COL28A1: variants seen among roughly 807,000 people sequenced by gnomAD.
COL28A1 encodes the protein collagen type XXVIII alpha 1 chain.
Under a neutral mutation model 150.2 loss-of-function variants are expected in COL28A1, and 161 were observed. The ratio of observed to expected loss-of-function variants is 1.07; its 90% confidence interval spans 0.94 to 1.22. The LOEUF (loss-of-function observed/expected upper bound fraction) is 1.22, where lower values mean the gene tolerates loss of function less well. Among genes scored for constraint, COL28A1 ranks in the 50% most tolerant of loss-of-function variants. COL28A1 has a pLI of 0.00. For synonymous variants in COL28A1, 552 were observed against 469.7 expected (o/e 1.18, Z -2.26); for missense variants, 1,617 against 1,388.3 (o/e 1.16, Z -2.62).
intron 34 of COL28A1, 122 bp downstream of exon 34, chr7:7,360,268 C>A (rs980226726): frequency 5.3e-6 from 5 of 936,648 alleles, no homozygotes; most frequent in Non-Finnish European, 7.6e-6. Flanking sequence ...TCTGGGTAAC[C>A]CTGTGCCTTC....
intron 8 of COL28A1, among the ~76,000 whole-genome samples, chr7:7,515,498 A>T (rs1781367926): frequency 6.6e-6 from 1 of 152,168 alleles, no homozygotes; most frequent in Non-Finnish European, 1.5e-5. Context: ...GTATTGCTGA[A>T]TCTGTTTGTG....
At chr7:7,401,331 A>T (rs563758742) in intron 27 of COL28A1, among the ~76,000 whole-genome samples, 30 of 152,118 alleles carry the variant, frequency 2.0e-4, no homozygotes, top group African/African-American at 6.5e-4. Context: ...TCAAGACTTT[A>T]AATACCATCT....
intron 25 of COL28A1, among the ~76,000 whole-genome samples, chr7:7,428,773 A>G (rs1462809619): frequency 1.3e-5 from 2 of 152,236 alleles, no homozygotes; most frequent in Admixed American, 6.5e-5. Flanking sequence ...TTCAAAGGTG[A>G]GTTTAAAATC....
rs1444946902 is a variant in COL28A1, at chr7:7,373,552, A to C, written c.2360-6T>G. 21 of 1,602,714 alleles carry C rather than the reference A, an allele frequency of 1.3e-5. No homozygotes were observed. Among genetic ancestry groups the C allele is most frequent in the Non-Finnish European group, 1.8e-5 (21 of 1,174,502 alleles). Reference sequence around the variant, plus strand: ...TTTGCATTTGGGCCCACAACCTAAAAGATGAATGTTGAGAGAGAAAAATTG... The same window carrying C: ...TTTGCATTTGGGCCCACAACCTAAACGATGAATGTTGAGAGAGAAAAATTG... On this transcript the variant is annotated splice_polypyrimidine_tract_variant and splice_region_variant and intron_variant, in intron 31 of 34. Transcript: ENST00000399429. The surrounding 1 kb of genome is among the most constrained non-coding windows in gnomAD (Gnocchi z 4.1).
intron 18 of COL28A1, among the ~76,000 whole-genome samples, chr7:7,451,638 T>C (rs1291065536): frequency 6.6e-6 from 1 of 152,166 alleles, no homozygotes; most frequent in Non-Finnish European, 1.5e-5. Context: ...ATTGCCTCTC[T>C]GCAATTGACA....
At chr7:7,385,887 A>G (rs1348099358) in intron 27 of COL28A1, among the ~76,000 whole-genome samples, 2 of 152,206 alleles carry the variant, frequency 1.3e-5, no homozygotes, top group Non-Finnish European at 2.9e-5. Context: ...CTTTCAGAGT[A>G]GACTATCTAG....
Position 7,444,410 on chromosome 7 carries a change from G to A in COL28A1, c.1581+8C>T. The A allele has an allele frequency of 1.2e-6, 2 of 1,613,414 alleles. No individual in the cohort carries two copies. The highest frequency in any genetic ancestry group is 1.7e-6 in the Non-Finnish European group (2 of 1,179,714). On this transcript the variant is annotated splice_region_variant and intron_variant, in intron 19 of 34. Transcript: ENST00000399429. ...CCTACTCCAGTAATACGAAAAACTT[G>A]GTGTTACCTTCTTCCCTGCAGCTCC...
In COL28A1 at chr7:7,389,812, A is replaced by G. The variant is rs112844418; in HGVS notation, c.2137-8200T>C. Among the ~76,000 whole-genome samples, 456 of 152,298 alleles carry G rather than the reference A, an allele frequency of 3.0e-3. 6 individuals carry two copies. The highest frequency in any genetic ancestry group is 0.01 in the African/African-American group (436 of 41,554). ...GGCTCTGTTTGTTTGTTATTGGTGT[A>G]TAAGAATGCTTGTGATTTTTGCACA... is the stretch of plus-strand genomic sequence containing the variant. On this transcript the variant is annotated intron_variant, in intron 27 of 34. Coordinates refer to ENST00000399429, the MANE Select transcript of COL28A1 (RefSeq NM_001037763.3).
Position 7,362,319 on chromosome 7 carries a change from C to A in COL28A1, c.3067-1791G>T, listed in dbSNP as rs539160011. Reference sequence around the variant, plus strand: ...AATCAGTCATTCACCTGAGTCCTGACACTTGGTTATTTATCCTTGCAAGAG... The same window carrying A: ...AATCAGTCATTCACCTGAGTCCTGAAACTTGGTTATTTATCCTTGCAAGAG... On this transcript the variant is annotated intron_variant, in intron 33 of 34. Transcript: ENST00000399429. Among the ~76,000 whole-genome samples the A allele has an allele frequency of 1.5e-4, 22 of 151,070 alleles. No individual in the cohort carries two copies. The South Asian group carries it at 4.7e-3, about 32-fold the overall frequency.
chr7:7,434,780 G>A (rs1203474463), intron 23 of COL28A1, among the ~76,000 whole-genome samples: 2 of 152,182 alleles, frequency 1.3e-5, no homozygotes, highest in Non-Finnish European at 2.9e-5. Context: ...TATTTTTATA[G>A]ATGGAATTTT....
intron 15 of COL28A1, among the ~76,000 whole-genome samples, chr7:7,465,516 C>A (rs1377869545): frequency 7.2e-6 from 1 of 138,154 alleles, no homozygotes; most frequent in African/African-American, 2.7e-5. Flanking sequence ...AAGGCGGCAA[C>A]GAGGCTGGGG....
At chr7:7,372,878 A>T in intron 32 of COL28A1, 120 bp downstream of exon 32, 2 of 730,886 alleles carry the variant, frequency 2.7e-6, no homozygotes, top group South Asian at 1.8e-5. Flanking sequence ...GTTACCATTT[A>T]ATGTTGGCAT....
intron 15 of COL28A1, among the ~76,000 whole-genome samples, chr7:7,457,046 C>A (rs572680466): frequency 1.3e-5 from 2 of 152,254 alleles, no homozygotes; most frequent in African/African-American, 4.8e-5. Context: ...GGAGACAGTG[C>A]GGGTGGAACC....
intron 22 of COL28A1, among the ~76,000 whole-genome samples, chr7:7,436,848 C>T (rs889251964): frequency 2.0e-5 from 3 of 152,046 alleles, no homozygotes; most frequent in Non-Finnish European, 4.4e-5. Context: ...AAGATGAGCC[C>T]GGCCAACATG....
chr7:7,376,488 A>C (rs929605231), intron 30 of COL28A1, among the ~76,000 whole-genome samples: 1 of 152,186 alleles, frequency 6.6e-6, no homozygotes, highest in Non-Finnish European at 1.5e-5. Context: ...ATTTAAAAAG[A>C]ACATCTACTG....
intron 27 of COL28A1, among the ~76,000 whole-genome samples, chr7:7,407,443 G>A (rs955626654): frequency 6.6e-6 from 1 of 151,934 alleles, no homozygotes; most frequent in Non-Finnish European, 1.5e-5. Context: ...AGTATCAAAA[G>A]CCACCAAAGA....
intron 25 of COL28A1, among the ~76,000 whole-genome samples, chr7:7,431,962 A>G (rs28493883): frequency 0.23 from 35,607 of 152,178 alleles, 6,106 homozygotes; most frequent in African/African-American, 0.49. Flanking sequence ...TGGCTTGAGC[A>G]TGGAAGAGCC....
chr7:7,400,978 GTGTGTGTGTGTGTGTGTGTGT>G (rs1783154283), intron 27 of COL28A1, among the ~76,000 whole-genome samples: 1 of 81,212 alleles, frequency 1.2e-5, no homozygotes, highest in African/African-American at 4.0e-5. Context: ...GTATTTGGGT[GTGTGTGTGTGTGTGTGTGTGT>G]GTGTGTGTGT....
the COL28A1 span, among the ~76,000 whole-genome samples, chr7:7,542,622 G>C: frequency 1.3e-5 from 2 of 152,194 alleles, no homozygotes; most frequent in Non-Finnish European, 1.5e-5. Flanking sequence ...AGGAGCAGAG[G>C]ATAAACAGTG....
Sources: allele counts gnomAD v4.1 joint callset (sites outside exome capture counted in the v4.1 genomes callset), GRCh38; gene constraint gnomAD v4.1.1; non-coding constraint Gnocchi (gnomAD v3.1); transcripts MANE v1.5; gene names NCBI Gene and HGNC (gene_info 2026-07-23, HGNC 2026-07-21).